The following LRP1B variants were observed in gnomAD, a reference collection of about 807,000 sequenced individuals.
LRP1B encodes the protein LDL receptor related protein 1B.
A neutral mutation model predicts 556.6 loss-of-function variants in LRP1B; 217 were observed. The observed-to-expected ratio is 0.39, with a 90% confidence interval of 0.35 to 0.44. The LOEUF (loss-of-function observed/expected upper bound fraction) is 0.44, where lower values mean the gene tolerates loss of function less well. LRP1B is among the 20% of genes least tolerant of loss of function. LRP1B has a pLI of 1.00. For missense variants in LRP1B, 5,053 were observed against 5,620.8 expected (o/e 0.90, Z 3.23); for synonymous variants, 2,047 against 1,865.8 (o/e 1.10, Z -2.50).
chr2:140,750,038 A>G (rs1190501147), intron 35 of LRP1B, among the ~76,000 whole-genome samples: 1 of 151,950 alleles, frequency 6.6e-6, no homozygotes, highest in Non-Finnish European at 1.5e-5. Context: ...GTTGACAAAC[A>G]TGTCATTAGG....
intron 83 of LRP1B, among the ~76,000 whole-genome samples, chr2:140,311,439 C>A (rs1272806152): frequency 6.6e-6 from 1 of 151,778 alleles, no homozygotes; most frequent in Non-Finnish European, 1.5e-5. Context: ...AAGTCTATTA[C>A]CACCTGTTCT....
At position 141,866,125 on chromosome 2, in the gene LRP1B, T is replaced by C. The variant is rs76932159; in HGVS notation, c.83-55724A>G. On this transcript the variant is annotated intron_variant, in intron 1 of 90. Coordinates refer to ENST00000389484, the MANE Select transcript of LRP1B (RefSeq NM_018557.3). ...AAGAGGGACATAGGCTATGTTTTTA[T>C]CTACAGAGACAGATCCATCAAGAAG... 3.3e-3 allele frequency among the ~76,000 whole-genome samples: 505 copies of C among 152,362 alleles called. 3 individuals are homozygous for C. Among genetic ancestry groups the C allele is most frequent in the African/African-American group, 0.012 (489 of 41,598 alleles).
intron 1 of LRP1B, among the ~76,000 whole-genome samples, chr2:141,833,812 G>A (rs1327308626): frequency 1.4e-5 from 2 of 148,138 alleles, no homozygotes; most frequent in Non-Finnish European, 3.0e-5. Flanking sequence ...TAGAGATGAG[G>A]GCACCCTTCC....
At chr2:140,443,354 C>A (rs1686513259) in intron 65 of LRP1B, among the ~76,000 whole-genome samples, 1 of 152,182 alleles carries the variant, frequency 6.6e-6, no homozygotes, top group African/African-American at 2.4e-5. Flanking sequence ...AGCCACTGCA[C>A]CCGGCCTGTG....
chr2:141,088,060 G>A (rs146051763), intron 7 of LRP1B, among the ~76,000 whole-genome samples: 12 of 152,236 alleles, frequency 7.9e-5, no homozygotes, highest in African/African-American at 2.2e-4. Flanking sequence ...TTTCCTGGTA[G>A]GGGGAAGAAG....
At chr2:140,786,420 A>G (rs900799960) in intron 32 of LRP1B, among the ~76,000 whole-genome samples, 5 of 152,190 alleles carry the variant, frequency 3.3e-5, no homozygotes, top group Non-Finnish European at 1.5e-5. Flanking sequence ...TACCTACTGC[A>G]AATCAGGAAC....
At chr2:140,467,592 G>T (rs888819565) in intron 60 of LRP1B, among the ~76,000 whole-genome samples, 3 of 140,318 alleles carry the variant, frequency 2.1e-5, no homozygotes, top group Admixed American at 7.6e-5. Context: ...CTGCCTGGGG[G>T]ACAGAGGGAA....
chr2:141,035,794 A>C (rs1224244848), intron 11 of LRP1B, among the ~76,000 whole-genome samples: 1 of 152,130 alleles, frequency 6.6e-6, no homozygotes, highest in African/African-American at 2.4e-5. Context: ...AAACACTTAA[A>C]TCTTTTTGCA....
chr2:140,850,478 T>C, intron 28 of LRP1B, 149 bp from the exon 29 acceptor site: 1 of 566,828 alleles, frequency 1.8e-6, no homozygotes, highest in South Asian at 2.4e-5. Flanking sequence ...AATTTATCTA[T>C]TTTAAATTAA....
intron 7 of LRP1B, among the ~76,000 whole-genome samples, chr2:141,070,645 A>G (rs1699613155): frequency 6.6e-6 from 1 of 152,128 alleles, no homozygotes; most frequent in Non-Finnish European, 1.5e-5. Context: ...AGAATCAAAT[A>G]GACGCAATAA....
intron 15 of LRP1B, among the ~76,000 whole-genome samples, chr2:141,000,903 T>TC (rs1697400071): frequency 1.5e-5 from 1 of 65,610 alleles, no homozygotes; most frequent in African/African-American, 5.7e-5. Flanking sequence ...TATCAATCTG[T>TC]CAATATCTTT....
chr2:140,450,748 C>G, intron 62 of LRP1B, 87 bp from the exon 63 acceptor site: 1 of 847,884 alleles, frequency 1.2e-6, no homozygotes, highest in South Asian at 1.6e-5. Context: ...ACAGCCTAGT[C>G]TACTTTTTTG....
intron 27 of LRP1B, among the ~76,000 whole-genome samples, chr2:140,867,216 G>A (rs914746958): frequency 6.6e-6 from 1 of 151,970 alleles, no homozygotes; most frequent in African/African-American, 2.4e-5. Flanking sequence ...GCACATATGG[G>A]CCTGTGAACT....
chr2:141,335,488 A>G (rs1402495667), intron 3 of LRP1B, among the ~76,000 whole-genome samples: 1 of 152,210 alleles, frequency 6.6e-6, no homozygotes, highest in Admixed American at 6.5e-5. Context: ...TCTGCCATCA[A>G]AGATATTTGG....
intron 3 of LRP1B, among the ~76,000 whole-genome samples, chr2:141,295,689 A>G (rs1686153040): frequency 6.7e-6 from 1 of 150,316 alleles, no homozygotes; most frequent in Non-Finnish European, 1.5e-5. Flanking sequence ...TTCCCTAGTC[A>G]TCTCCTGTCA....
chr2:140,813,564 T>C (rs1193656640), intron 32 of LRP1B, 93 bp downstream of exon 32: 2 of 1,071,606 alleles, frequency 1.9e-6, no homozygotes, highest in African/African-American at 1.6e-5. Context: ...CTGGTGTTAG[T>C]GGAGCAGTAA....
In LRP1B at chr2:141,325,436, CAAAT is replaced by C. The variant is rs150942647; in HGVS notation, c.344-70799_344-70796del. Among the ~76,000 whole-genome samples the C allele has an allele frequency of 7.1e-3, 1,084 of 152,126 alleles. 8 individuals carry two copies. Among genetic ancestry groups the C allele is most frequent in the Non-Finnish European group, 0.012 (815 of 67,954 alleles). ...AAACAAGATTATTTCCATAATTTCT[CAAAT>C]AAAGTTATATGCAACATATATCTCT... is the stretch of plus-strand genomic sequence containing the variant. On this transcript the variant is annotated intron_variant, in intron 3 of 90. Coordinates refer to ENST00000389484, the MANE Select transcript of LRP1B (RefSeq NM_018557.3).
chr2:140,753,058 G>A (rs1471838726), intron 35 of LRP1B, among the ~76,000 whole-genome samples: 3 of 151,842 alleles, frequency 2.0e-5, no homozygotes, highest in Admixed American at 1.3e-4. Context: ...CCATCCCCTG[G>A]CAAACCATTG....
chr2:142,084,078 C>T (rs1424250020), intron 1 of LRP1B, among the ~76,000 whole-genome samples: 5 of 151,324 alleles, frequency 3.3e-5, no homozygotes, highest in Non-Finnish European at 7.4e-5. Context: ...CTCCTGGATT[C>T]AAGCGATTCT....
Sources: gnomAD v4.1 joint callset for allele counts (sites outside exome capture counted in the v4.1 genomes callset) on GRCh38, gnomAD v4.1.1 for gene constraint, MANE v1.5 for transcripts, NCBI Gene and HGNC (gene_info 2026-07-23, HGNC 2026-07-21) for gene names.